The following ST3GAL3 variants were observed in gnomAD, a reference collection of about 807,000 sequenced individuals.
The protein encoded by ST3GAL3 is ST3 beta-galactoside alpha-2,3-sialyltransferase 3.
In ST3GAL3, 21 loss-of-function variants were observed where a neutral mutation model predicts 50.1. That is an observed-to-expected ratio of 0.42 (90% confidence interval 0.30 to 0.60). ST3GAL3 has a LOEUF of 0.60. Ranked by LOEUF, ST3GAL3 falls within the 20% of genes least tolerant of loss-of-function variation. The pLI, the probability that ST3GAL3 is intolerant of heterozygous loss-of-function variation, is 0.19. For synonymous variants in ST3GAL3, 183 were observed against 190.0 expected (o/e 0.96, Z 0.30); for missense variants, 353 against 489.4 (o/e 0.72, Z 2.63).
chr1:43,817,809 T>TCTCCTCCTCCTC (rs2061584320), intron 4 of ST3GAL3, among the ~76,000 whole-genome samples: 1 of 126,442 alleles, frequency 7.9e-6, no homozygotes, highest in Admixed American at 7.8e-5. Context: ...TCCTCCTCCT[T>TCTCCTCCTCCTC]CTCCTCCTCC....
chr1:43,905,842 C>T (rs2079417577), intron 9 of ST3GAL3, among the ~76,000 whole-genome samples: 1 of 139,156 alleles, frequency 7.2e-6, no homozygotes, highest in South Asian at 2.5e-4. Flanking sequence ...CTTCTTTCTC[C>T]TCCTCCTGTT....
intron 1 of ST3GAL3, among the ~76,000 whole-genome samples, chr1:43,731,427 C>A (rs1455613681): frequency 7.2e-6 from 1 of 138,104 alleles, no homozygotes; most frequent in East Asian, 2.1e-4. Flanking sequence ...CTCTGTCACT[C>A]GGGCTGGAGT....
chr1:43,747,240 T>C (rs886114247), intron 2 of ST3GAL3, among the ~76,000 whole-genome samples: 1 of 151,970 alleles, frequency 6.6e-6, no homozygotes, highest in Non-Finnish European at 1.5e-5. Flanking sequence ...AAACCCCATC[T>C]CTACTAAAAA....
At position 43,724,545 on chromosome 1, in the gene ST3GAL3, G is replaced by A. The variant is rs1672035059; in HGVS notation, c.-30-11688G>A. ...CTGCTTGAGTGTTACTATATTTGAG[G>A]CACTATGCTGATAAATGCTAGTGAT... On this transcript the variant is annotated intron_variant, in intron 1 of 11. Coordinates refer to ENST00000347631, the MANE Select transcript of ST3GAL3 (RefSeq NM_006279.5). 2.0e-5 allele frequency among the ~76,000 whole-genome samples: 3 copies of A among 151,992 alleles called. No homozygotes were observed. The South Asian group carries it at 6.2e-4, about 32-fold the overall frequency.
intron 2 of ST3GAL3, among the ~76,000 whole-genome samples, chr1:43,767,751 C>T (rs999887366): frequency 6.0e-5 from 9 of 150,926 alleles, no homozygotes; most frequent in Non-Finnish European, 1.2e-4. Context: ...TGCAGCAAAC[C>T]GCCATGGCAC....
chr1:43,856,520 T>C (rs1281628574), intron 5 of ST3GAL3, among the ~76,000 whole-genome samples: 2 of 152,220 alleles, frequency 1.3e-5, no homozygotes, highest in East Asian at 3.9e-4. Flanking sequence ...TTTCAGTAGG[T>C]ACCTGCTGTG....
At chr1:43,711,487 A>G (rs928788848) in intron 1 of ST3GAL3, among the ~76,000 whole-genome samples, 1 of 152,268 alleles carries the variant, frequency 6.6e-6, no homozygotes, top group Non-Finnish European at 1.5e-5. Flanking sequence ...AGAGCCAGAA[A>G]TATTTGGTGC....
intron 4 of ST3GAL3, among the ~76,000 whole-genome samples, chr1:43,833,224 AC>A (rs1476225919): frequency 6.6e-6 from 1 of 152,058 alleles, no homozygotes; most frequent in Middle Eastern, 3.2e-3. Context: ...CTTCCCCCTT[AC>A]ACTTCCTGTT....
intron 1 of ST3GAL3, among the ~76,000 whole-genome samples, chr1:43,719,943 A>G (rs944909686): frequency 3.4e-5 from 5 of 146,506 alleles, no homozygotes; most frequent in African/African-American, 1.3e-4. Context: ...AGAAAAAAAA[A>G]AAAAAAAAAA....
Position 43,894,441 on chromosome 1 carries a change from C to T in ST3GAL3, c.361C>T (p.Arg121Trp), listed in dbSNP as rs1416679783. 14 of 1,613,974 alleles carry T rather than the reference C, an allele frequency of 8.7e-6. No homozygotes were observed. The highest frequency in any genetic ancestry group is 1.6e-4 in the Middle Eastern group (1 of 6,082). The change falls in exon 6 of 12, where the codon CGG becomes TGG. Residue 121 changes from arginine (R) to tryptophan (W), a missense_variant. Coordinates refer to ENST00000347631, the MANE Select transcript of ST3GAL3 (RefSeq NM_006279.5). Reference sequence around the variant, plus strand: ...CTCCTTTCGCAAGTGGGCTAGAATCCGGGAGTTCGTGCCGCCTTTTGGGAT... The same window carrying T: ...CTCCTTTCGCAAGTGGGCTAGAATCTGGGAGTTCGTGCCGCCTTTTGGGAT... ...DDSFRKWARI[R>W]EFVPPFGIKG... is the part of the protein sequence containing the mutation.
intron 2 of ST3GAL3, among the ~76,000 whole-genome samples, chr1:43,777,553 T>C (rs748383114): frequency 3.9e-5 from 6 of 152,150 alleles, no homozygotes; most frequent in Non-Finnish European, 8.8e-5. Flanking sequence ...TGGCTAGCCA[T>C]ATGCAGAAAA....
intron 2 of ST3GAL3, among the ~76,000 whole-genome samples, chr1:43,754,777 C>T (rs887596589): frequency 1.3e-5 from 2 of 152,004 alleles, no homozygotes; most frequent in Admixed American, 6.6e-5. Flanking sequence ...TAGTGAGATC[C>T]CACCTCTACA....
intron 5 of ST3GAL3, among the ~76,000 whole-genome samples, chr1:43,862,745 CAA>C (rs749080973): frequency 0.023 from 2,352 of 104,348 alleles, 76 homozygotes; most frequent in African/African-American, 0.071. Context: ...CTGTCTCTAC[CAA>C]AAAAAAAAAA....
chr1:43,816,343 C>A (rs994323889), intron 4 of ST3GAL3, among the ~76,000 whole-genome samples: 1 of 152,124 alleles, frequency 6.6e-6, no homozygotes, highest in Non-Finnish European at 1.5e-5. Context: ...AATCTCCCAA[C>A]TTTTACACAT....
intron 9 of ST3GAL3, among the ~76,000 whole-genome samples, chr1:43,915,176 C>T (rs1017334449): frequency 6.6e-6 from 1 of 152,200 alleles, no homozygotes; most frequent in Non-Finnish European, 1.5e-5. Context: ...CAGAGACAAT[C>T]CACCAAAGGA....
intron 2 of ST3GAL3, among the ~76,000 whole-genome samples, chr1:43,777,612 C>T (rs12119149): frequency 0.69 from 105,062 of 152,054 alleles, 36,640 homozygotes; most frequent in Non-Finnish European, 0.73. Flanking sequence ...TAACTCAAGA[C>T]GGATTAAAGA....
rs151001952 is a variant in ST3GAL3, at chr1:43,850,460, T to C, written c.302+12149T>C. 1.2e-3 allele frequency: 727 copies of C among 598,004 alleles called. 5 individuals are homozygous for C. In the Middle Eastern group the frequency reaches 0.02, roughly 16 times the overall value. 37.0% of individuals were successfully genotyped at this position (598,004 alleles called of 1,614,324 possible). On this transcript the variant is annotated intron_variant, in intron 5 of 11. Coordinates refer to ENST00000347631, the MANE Select transcript of ST3GAL3 (RefSeq NM_006279.5). ...TGCTCTGGATCTGCAGGGTTAGCTC[T>C]ATCCCTCTGTGGATAAAGTGGGCTA...
At chr1:43,772,110 C>T (rs76016677) in intron 2 of ST3GAL3, 21,594 of 397,430 alleles carry the variant, frequency 0.054, 922 homozygotes, top group East Asian at 0.2. Context: ...AGTGTGATGG[C>T]ATAATCTCTG....
chr1:43,893,945 T>G (rs1195658187), intron 5 of ST3GAL3, among the ~76,000 whole-genome samples: 2 of 152,208 alleles, frequency 1.3e-5, no homozygotes, highest in Non-Finnish European at 2.9e-5. Context: ...TTCCCAGAAT[T>G]CTCTCCAAAA....
Sources: allele counts gnomAD v4.1 joint callset (sites outside exome capture counted in the v4.1 genomes callset), GRCh38; gene constraint gnomAD v4.1.1; transcripts MANE v1.5; gene names NCBI Gene and HGNC (gene_info 2026-07-23, HGNC 2026-07-21).